Variants in FRMD6 observed in about 807,000 individuals in gnomAD.
FRMD6 encodes FERM domain-containing protein 6.
In FRMD6, 37 loss-of-function variants were observed where a neutral mutation model predicts 73.2. That is an observed-to-expected ratio of 0.51 (90% CI 0.39 to 0.66). The LOEUF (loss-of-function observed/expected upper bound fraction) is 0.66. Among genes scored for constraint, FRMD6 ranks in the 30% least tolerant of loss-of-function variants. FRMD6 has a pLI of 0.00. For missense variants in FRMD6, 714 were observed against 780.5 expected, an observed-to-expected ratio of 0.91 and a Z score of 1.02; for synonymous variants, 273 against 282.2, an observed-to-expected ratio of 0.97 and a Z score of 0.33.
rs145355920 is a variant in FRMD6, at chr14:51,620,438, G to T, written c.-147+50028G>T. Among the ~76,000 whole-genome samples, 8 of 152,198 alleles carry T rather than the reference G, an allele frequency of 5.3e-5. No individual in the cohort carries two copies. In the East Asian group the frequency reaches 1.5e-3, roughly 29 times the overall value. ...TTGGGGATTGGGCACCAGGATGAAG[G>T]GCAGAGGGGTGATGACTGAGTCCTC... On this transcript the variant is annotated intron_variant, in intron 2 of 14. Coordinates refer to the FRMD6 transcript ENST00000356218.
At chr14:51,463,410 G>T in the FRMD6 span, among the ~76,000 whole-genome samples, 2 of 152,178 alleles carry the variant, frequency 1.3e-5, no homozygotes, top group Non-Finnish European at 2.9e-5. Flanking sequence ...TGTAGTACTT[G>T]GTGCATAGCA....
At chr14:51,528,694 A>G (rs539530471) in intron 1 of FRMD6, among the ~76,000 whole-genome samples, 1 of 152,288 alleles carries the variant, frequency 6.6e-6, no homozygotes, top group African/African-American at 2.4e-5. Flanking sequence ...TGGTCTTAGT[A>G]CCTGCTTTTT....
At chr14:51,503,483 C>CT (rs1208712559) in intron 1 of FRMD6, among the ~76,000 whole-genome samples, 1 of 152,066 alleles carries the variant, frequency 6.6e-6, no homozygotes, top group Non-Finnish European at 1.5e-5. Context: ...TAATCATGTG[C>CT]TTTTGTCTTT....
rs1215682809 is a variant in FRMD6, at chr14:51,722,019, A to G, written c.1431A>G (p.Pro477=). 1.9e-6 allele frequency: 3 copies of G among 1,614,028 alleles called. No homozygotes were observed. Among genetic ancestry groups the G allele is most frequent in the South Asian group, 2.2e-5 (2 of 91,080 alleles). ...QMNEESLEVS[P]DMCIYITEDM... ...ATGAAGAGTCTCTGGAAGTCAGCCCAGACATGTGCATCTACATCACAGAGG... is the reference window on the plus strand; with the variant it reads ...ATGAAGAGTCTCTGGAAGTCAGCCCGGACATGTGCATCTACATCACAGAGG... The change falls in exon 12 of 14, where the codon CCA becomes CCG. Residue 477 remains proline, a synonymous_variant. Transcript: ENST00000344768.
At chr14:51,435,597 A>G in the FRMD6 span, among the ~76,000 whole-genome samples, 1 of 152,170 alleles carries the variant, frequency 6.6e-6, no homozygotes, top group Non-Finnish European at 1.5e-5. Context: ...TTTAACTTAA[A>G]TCATATTCAA....
Position 51,715,329 on chromosome 14 carries a change from A to C in FRMD6, c.854A>C (p.Lys285Thr), listed in dbSNP as rs1221352375. The change falls in exon 10 of 14, where the codon AAG becomes ACG. Residue 285 changes from lysine to threonine, a missense_variant. By Grantham distance (78) the Lys-to-Thr change is moderately conservative. Transcript: ENST00000344768. Reference sequence around the variant, plus strand: ...ATTCATGGTTTCCTTCCAAAGGGTAAGAAATTTGAGATTTTGCCAGATGGC... The same window carrying C: ...ATTCATGGTTTCCTTCCAAAGGGTACGAAATTTGAGATTTTGCCAGATGGC... ...TNVGKLVFVG[K>T]KFEILPDGLP... 6.4e-7 allele frequency: 1 copy of C among 1,561,690 alleles called. No homozygotes were observed. Among genetic ancestry groups the C allele is most frequent in the Admixed American group, 1.9e-5 (1 of 53,678 alleles).
the FRMD6 span, chr14:51,436,124 T>C: frequency 0.92 from 216,786 of 235,498 alleles, 100,218 homozygotes; most frequent in African/African-American, 0.97. Flanking sequence ...AGACATTGAC[T>C]TCTGCAGGCT....
At chr14:51,513,063 G>A (rs775873179) in intron 1 of FRMD6, among the ~76,000 whole-genome samples, 57 of 152,310 alleles carry the variant, frequency 3.7e-4, no homozygotes, top group Non-Finnish European at 7.9e-4. Context: ...GTCTGATTGA[G>A]CCCTGACAAT....
chr14:51,440,161 C>A, the FRMD6 span, among the ~76,000 whole-genome samples: 1 of 152,268 alleles, frequency 6.6e-6, no homozygotes, highest in East Asian at 1.9e-4. Flanking sequence ...TTCAGCAGAT[C>A]CTGAGGCCAC....
rs957469922 is a variant in FRMD6 at position 51,727,066 on chromosome 14, G to A, written c.1585-679G>A. 4.6e-5 allele frequency among the ~76,000 whole-genome samples: 7 copies of A among 151,634 alleles called. No homozygotes were observed. In the South Asian group the frequency reaches 6.3e-4, roughly 14 times the overall value. ...CCCCCTGCTGTGTACAGCATTTGGC[G>A]GAACCCCCCCACCCCCGACTCGTGT... On this transcript the variant is annotated intron_variant, in intron 13 of 13. Transcript: ENST00000344768.
At chr14:51,483,140 G>A in the FRMD6 span, among the ~76,000 whole-genome samples, 1 of 152,182 alleles carries the variant, frequency 6.6e-6, no homozygotes, top group Non-Finnish European at 1.5e-5. Flanking sequence ...ATTTTATGAA[G>A]TGTTTTTCTT....
chr14:51,604,954 C>T (rs892417126), intron 2 of FRMD6, among the ~76,000 whole-genome samples: 1 of 152,066 alleles, frequency 6.6e-6, no homozygotes, highest in African/African-American at 2.4e-5. Context: ...GAGATTATAT[C>T]GTTGAAGTGT....
upstream of FRMD6, among the ~76,000 whole-genome samples, chr14:51,484,355 CT>C (rs1192902486): frequency 6.6e-6 from 1 of 152,188 alleles, no homozygotes; most frequent in African/African-American, 2.4e-5. Flanking sequence ...ATCACCTTAG[CT>C]GCAATATAAC....
chr14:51,457,993 G>A, the FRMD6 span, among the ~76,000 whole-genome samples: 3 of 152,280 alleles, frequency 2.0e-5, no homozygotes, highest in African/African-American at 4.8e-5. Context: ...ATCAGCTTGG[G>A]TTCTGACATG....
At chr14:51,532,347 T>C (rs1885633896) in intron 1 of FRMD6, among the ~76,000 whole-genome samples, 2 of 133,334 alleles carry the variant, frequency 1.5e-5, no homozygotes, top group Admixed American at 1.8e-4. Context: ...ATAGCCTGGG[T>C]GACAGAGCGA....
At chr14:51,469,346 G>C in the FRMD6 span, among the ~76,000 whole-genome samples, 2 of 149,310 alleles carry the variant, frequency 1.3e-5, no homozygotes, top group East Asian at 2.0e-4. Context: ...GGGCCCTATG[G>C]CTCACGCCTG....
At chr14:51,581,928 T>C (rs1331924516) in intron 2 of FRMD6, among the ~76,000 whole-genome samples, 1 of 152,170 alleles carries the variant, frequency 6.6e-6, no homozygotes, top group Non-Finnish European at 1.5e-5. Flanking sequence ...CCACAGTAGG[T>C]GAAAGACTTT....
the FRMD6 span, among the ~76,000 whole-genome samples, chr14:51,467,643 C>T: frequency 6.6e-6 from 1 of 150,636 alleles, no homozygotes; most frequent in South Asian, 2.1e-4. Context: ...TCCTCACCTC[C>T]CAGATGGGGT....
chr14:51,669,851 A>G (rs913364718), intron 1 of FRMD6, among the ~76,000 whole-genome samples: 2 of 152,240 alleles, frequency 1.3e-5, no homozygotes, highest in African/African-American at 4.8e-5. Context: ...ATTAAAAAGC[A>G]AAATTTTTGT....
Sources: allele counts gnomAD v4.1 joint callset (sites outside exome capture counted in the v4.1 genomes callset), GRCh38; gene constraint gnomAD v4.1.1; transcripts MANE v1.5; gene names NCBI Gene and HGNC (gene_info 2026-07-23, HGNC 2026-07-21).